The following TRPV3 variants were observed in gnomAD, a reference collection of about 807,000 sequenced individuals.
The protein encoded by TRPV3 is transient receptor potential cation channel subfamily V member 3.
TRPV3 carries 88 observed loss-of-function variants against 87.1 expected under a neutral mutation model. The ratio of observed to expected loss-of-function variants is 1.01; its 90% CI spans 0.85 to 1.21. The LOEUF (loss-of-function observed/expected upper bound fraction) is 1.21. TRPV3 is among the 50% of genes most tolerant of loss of function. TRPV3 has a pLI of 0.00. For synonymous variants in TRPV3, 438 were observed against 423.3 expected (o/e 1.03, Z -0.43); for missense variants, 1,054 against 1,030.1 (o/e 1.02, Z -0.32).
intron 6 of TRPV3, among the ~76,000 whole-genome samples, chr17:3,540,092 T>TAAATAAATAAATAAACAAAC (rs1555545584): frequency 2.0e-5 from 3 of 150,756 alleles, no homozygotes; most frequent in Admixed American, 1.3e-4. Context: ...AATAAATAAA[T>TAAATAAATAAATAAACAAAC]AAACAAAGTC....
intron 7 of TRPV3, among the ~76,000 whole-genome samples, chr17:3,533,248 G>A (rs1018885474): frequency 6.6e-6 from 1 of 152,076 alleles, no homozygotes; most frequent in African/African-American, 2.4e-5. Context: ...TGCATACTCT[G>A]ACCTCCTCTC....
chr17:3,551,385 T>G (rs2074572458), intron 2 of TRPV3, among the ~76,000 whole-genome samples: 1 of 152,246 alleles, frequency 6.6e-6, no homozygotes, highest in Non-Finnish European at 1.5e-5. Flanking sequence ...GGCAAGGCCT[T>G]GGCCCAGTGA....
rs1163990637 is a variant in TRPV3 at position 3,514,608 on chromosome 17, G to T, written c.2263C>A (p.Pro755Thr). 2 of 1,613,670 alleles carry T rather than the reference G, an allele frequency of 1.2e-6. No individual in the cohort carries two copies. Among genetic ancestry groups the T allele is most frequent in the Admixed American group, 3.3e-5 (2 of 60,016 alleles). Residue 755 changes from proline (P) to threonine (T), a missense_variant, in exon 17 of 18, where the codon CCT becomes ACT. By Grantham distance (38) the Pro-to-Thr change is conservative (BLOSUM62 -1). Coordinates refer to ENST00000576742, the MANE Select transcript of TRPV3 (RefSeq NM_145068.4). ...HVSFLNEDPGPVRRTDFNKIQ... is the reference protein window; with the variant it reads ...HVSFLNEDPGTVRRTDFNKIQ... ...GCGACAGTACCTGTTCGTCTTACAGGCCCCGGGTCTTCGTTAAGGAAGGAG... is the reference window on the plus strand; with the variant it reads ...GCGACAGTACCTGTTCGTCTTACAGTCCCCGGGTCTTCGTTAAGGAAGGAG...
chr17:3,524,592 TG>T (rs1195731217), intron 12 of TRPV3, among the ~76,000 whole-genome samples: 1 of 151,850 alleles, frequency 6.6e-6, no homozygotes, highest in Admixed American at 6.6e-5. Context: ...TTGCAGCTGG[TG>T]GGGACTTTAA....
intron 14 of TRPV3, among the ~76,000 whole-genome samples, chr17:3,519,555 T>C (rs2074219138): frequency 1.4e-5 from 2 of 141,474 alleles, no homozygotes; most frequent in Middle Eastern, 4.5e-3. Context: ...GATGGACCAA[T>C]TGATCGATGG....
rs1478082247 is a variant in TRPV3, at chr17:3,513,364, G to A, written c.*553C>T. The A allele has an allele frequency of 6.5e-6, 1 of 153,030 alleles. No homozygotes were observed. The highest frequency in any genetic ancestry group is 2.4e-5 in the African/African-American group (1 of 41,420). The allele number at this position is 153,030 out of a possible 1,614,324, so 9.5% of individuals were successfully genotyped here. ...CCTTTTCCCCGAAGGGTTCCGGAAG[G>A]GTGTTTCCAGAGCGCATTCCCCTCC... On this transcript the variant is annotated 3_prime_UTR_variant, in exon 18 of 18. Coordinates refer to ENST00000576742, the MANE Select transcript of TRPV3 (RefSeq NM_145068.4).
rs1285877580 is a variant in TRPV3, at chr17:3,513,896, C to T, written c.*21G>A. On this transcript the variant is annotated 3_prime_UTR_variant, in exon 18 of 18. Coordinates refer to ENST00000576742, the MANE Select transcript of TRPV3 (RefSeq NM_145068.4). Reference sequence around the variant, plus strand: ...TGCAGCGCCAGACAGCGCACGCGCACACCAGCTCTGGGTTCCGCTTCTACA... The same window carrying T: ...TGCAGCGCCAGACAGCGCACGCGCATACCAGCTCTGGGTTCCGCTTCTACA... The T allele has an allele frequency of 6.2e-7, 1 of 1,605,716 alleles. No homozygotes were observed. Among genetic ancestry groups the T allele is most frequent in the Non-Finnish European group, 8.5e-7 (1 of 1,172,572 alleles).
At position 3,521,980 on chromosome 17, in the gene TRPV3, G is replaced by A. The variant is rs2074250458; in HGVS notation, c.1744-941C>T. Among the ~76,000 whole-genome samples, 7 of 152,266 alleles carry A rather than the reference G, an allele frequency of 4.6e-5. No homozygotes were observed. The South Asian group carries it at 1.5e-3, about 32-fold the overall frequency. ...GATCCCAGCTACTCCAGAGGCTGAG[G>A]CGGGAGAATTGCTTGAACCCAGGAG... On this transcript the variant is annotated intron_variant, in intron 13 of 17. Coordinates refer to ENST00000576742, the MANE Select transcript of TRPV3 (RefSeq NM_145068.4).
intron 17 of TRPV3, 62 bp from the exon 18 acceptor site, chr17:3,514,073 T>A: frequency 7.1e-7 from 1 of 1,407,592 alleles, no homozygotes; most frequent in South Asian, 1.3e-5. Context: ...GTTTCTTTTT[T>A]CTTTTTCTTT....
In TRPV3 at chr17:3,530,743, C is replaced by T. The variant is rs964096591; in HGVS notation, c.1066-540G>A. On this transcript the variant is annotated intron_variant, in intron 8 of 17. Coordinates refer to ENST00000576742, the MANE Select transcript of TRPV3 (RefSeq NM_145068.4). The surrounding 1 kb of genome is among the most constrained non-coding windows in gnomAD (Gnocchi z 4.0). ...CCTCAAACTCTGCTGCATGTTAGGG[C>T]TGCTGGGAAACTTAGAAATTCCCAC... is the stretch of plus-strand genomic sequence containing the variant. Among the ~76,000 whole-genome samples the T allele has an allele frequency of 2.6e-5, 4 of 152,266 alleles. No individual in the cohort carries two copies. Among genetic ancestry groups the T allele is most frequent in the African/African-American group, 9.6e-5 (4 of 41,546 alleles).
rs2074629102 is a variant in TRPV3 at position 3,556,124 on chromosome 17, C to A, written c.-2-1272G>T. Among the ~76,000 whole-genome samples the A allele has an allele frequency of 6.6e-6, 1 of 151,330 alleles. No homozygotes were observed. Among genetic ancestry groups the A allele is most frequent in the Non-Finnish European group, 1.5e-5 (1 of 67,896 alleles). On this transcript the variant is annotated intron_variant, in intron 1 of 17. Coordinates refer to ENST00000576742, the MANE Select transcript of TRPV3 (RefSeq NM_145068.4). This position sits in a 1 kb window ranked among gnomAD's most constrained non-coding sequence, Gnocchi z 4.2. ...TCCAGGAGGCAGAGGTTGGATTGAG[C>A]CGAGATTGTGCCACTGCACTCCAGC...
chr17:3,517,699 G>A (rs117371280), intron 15 of TRPV3, among the ~76,000 whole-genome samples: 6,827 of 150,516 alleles, frequency 0.045, 223 homozygotes, highest in Non-Finnish European at 0.068. Flanking sequence ...TCTCCCTGTA[G>A]TAACCCCATG....
chr17:3,521,208 G>T (rs1176225811), intron 13 of TRPV3, among the ~76,000 whole-genome samples, 169 bp from the exon 14 acceptor site: 1 of 143,786 alleles, frequency 7.0e-6, no homozygotes, highest in African/African-American at 2.6e-5. Context: ...CTCAACACTG[G>T]ATCCTGCCTC....
At chr17:3,520,447 GT>G (rs2074236032) in intron 14 of TRPV3, among the ~76,000 whole-genome samples, 1 of 152,190 alleles carries the variant, frequency 6.6e-6, no homozygotes, top group Admixed American at 6.5e-5. Context: ...GTGGACTTTA[GT>G]TTCCGCATCT....
chr17:3,538,253 A>G (rs1487665461), intron 6 of TRPV3, among the ~76,000 whole-genome samples: 1 of 152,126 alleles, frequency 6.6e-6, no homozygotes, highest in African/African-American at 2.4e-5. Context: ...GCGCCTATGA[A>G]TCAATAGAAA....
intron 11 of TRPV3, among the ~76,000 whole-genome samples, chr17:3,527,479 C>A (rs1026560799): frequency 6.6e-6 from 1 of 152,162 alleles, no homozygotes; most frequent in East Asian, 1.9e-4. Context: ...ATGTCCCCAA[C>A]CAGGCTGTGA....
intron 15 of TRPV3, among the ~76,000 whole-genome samples, chr17:3,517,099 C>A (rs930655975): frequency 1.3e-5 from 2 of 151,304 alleles, no homozygotes; most frequent in South Asian, 4.2e-4. Context: ...GAGCCGAGAT[C>A]CCACCATTGC....
rs771611845 is a variant in TRPV3 at position 3,554,714 on chromosome 17, C to T, written c.119+18G>A. On this transcript the variant is annotated intron_variant, in intron 2 of 17. Coordinates refer to ENST00000576742, the MANE Select transcript of TRPV3 (RefSeq NM_145068.4). ...CCTCACAGTGCCGCAGTCCGTGTCC[C>T]GAGCTCTCCAAACCCACCTCTTCTT... 43 of 1,569,108 alleles carry T rather than the reference C, an allele frequency of 2.7e-5. No individual in the cohort carries two copies. Among genetic ancestry groups the T allele is most frequent in the Admixed American group, 8.5e-5 (5 of 58,846 alleles).
In TRPV3 at chr17:3,513,964, G is replaced by C. The variant is rs1378809708; in HGVS notation, c.2326C>G (p.Leu776Val). Residue 776 changes from leucine to valine, a missense_variant, in exon 18 of 18, where the codon CTC (leucine) becomes GTC (valine). Transcript: ENST00000576742. ...TCCTCGACTTCTTCAAATGCATTGA[G>C]AGTGGTTTTGCTGTTGTTCCTGGAA... ...DSSRNNSKTTLNAFEEVEEFP... is the reference protein window; with the variant it reads ...DSSRNNSKTTVNAFEEVEEFP... The C allele has an allele frequency of 1.9e-6, 3 of 1,614,168 alleles. No individual in the cohort carries two copies. The highest frequency in any genetic ancestry group is 2.2e-5 in the South Asian group (2 of 91,058).
Sources: gnomAD v4.1 joint callset for allele counts (sites outside exome capture counted in the v4.1 genomes callset) on GRCh38, gnomAD v4.1.1 for gene constraint, Gnocchi (gnomAD v3.1) non-coding constraint, MANE v1.5 for transcripts, NCBI Gene and HGNC (gene_info 2026-07-23, HGNC 2026-07-21) for gene names.